Variants in EDA observed in about 807,000 individuals in gnomAD.
EDA encodes ectodysplasin A, also known as ectodysplasin-A.
EDA carries 2 observed loss-of-function variants against 23.6 expected under a neutral mutation model. That is an observed-to-expected ratio of 0.08 (90% CI 0.03 to 0.27). EDA has a LOEUF of 0.27. Among genes scored for constraint, EDA ranks in the 10% least tolerant of loss-of-function variants. The probability of loss-of-function intolerance (pLI) is 1.00; values close to 1 mark genes in which losing one functional copy is unlikely to be tolerated. For missense variants in EDA, 229 were observed against 324.2 expected, an observed-to-expected ratio of 0.71 and a Z score of 2.26; for synonymous variants, 131 against 132.0, an observed-to-expected ratio of 0.99 and a Z score of 0.05.
intron 1 of EDA, among the ~76,000 whole-genome samples, chrX:69,662,291 G>A (rs1933536628): frequency 9.0e-6 from 1 of 111,670 alleles, no homozygotes; most frequent in African/African-American, 3.3e-5. Context: ...CACATATCAT[G>A]GGAGGAACCT....
At chrX:69,802,359 T>A (rs1192898504) in intron 1 of EDA, among the ~76,000 whole-genome samples, 1 of 109,110 alleles carries the variant, frequency 9.2e-6, no homozygotes, top group East Asian at 2.8e-4. Flanking sequence ...TTCTATGTAG[T>A]ATACTTATAA....
chrX:69,617,266 C>A, intron 1 of EDA: 2 of 146,010 alleles, frequency 1.4e-5, no homozygotes, highest in East Asian at 4.2e-4. Context: ...TTGTCCTCGG[C>A]GTTCTAGTGA....
At chrX:69,876,076 G>T (rs957225437) in intron 1 of EDA, among the ~76,000 whole-genome samples, 2 of 111,802 alleles carry the variant, frequency 1.8e-5, no homozygotes, top group African/African-American at 6.5e-5. Flanking sequence ...AATACAGTGT[G>T]GGGACTCCTT....
intron 1 of EDA, among the ~76,000 whole-genome samples, chrX:69,768,358 T>A (rs2014531546): frequency 8.9e-6 from 1 of 112,127 alleles, no homozygotes; most frequent in Non-Finnish European, 1.9e-5. Flanking sequence ...CATATTGACT[T>A]AATGTTTTAT....
chrX:69,848,434 A>G (rs2017052805), intron 1 of EDA, among the ~76,000 whole-genome samples: 1 of 111,225 alleles, frequency 9.0e-6, no homozygotes, highest in Admixed American at 9.6e-5. Flanking sequence ...TTACAGGGTC[A>G]CATGCAAACT....
rs372422219 is a variant in EDA at position 69,814,961 on chromosome X, T to C, written c.397-142066T>C. 7.5e-4 allele frequency among the ~76,000 whole-genome samples: 84 copies of C among 111,558 alleles called. 1 individual carries two copies. The East Asian group carries it at 0.016, about 22-fold the overall frequency. On this transcript the variant is annotated intron_variant, in intron 1 of 7. Transcript: ENST00000374552. ...TACACAGAGACCCAGGAGTTTTATA[T>C]ACTTTGGCCCTGGGATTCCCAGCAA...
Position 69,927,284 on chromosome X carries a change from C to T in EDA, c.397-29743C>T, listed in dbSNP as rs1368124928. On this transcript the variant is annotated intron_variant, in intron 1 of 7. Transcript: ENST00000374552. ...ATATTTTGGTGTGTTTTTGCAGTGG[C>T]TGGTACTGGTTTTTCCTTTCCATAT... is the stretch of plus-strand genomic sequence containing the variant. 2.7e-5 allele frequency among the ~76,000 whole-genome samples: 3 copies of T among 111,767 alleles called. No individual in the cohort carries two copies. In the East Asian group the frequency reaches 8.4e-4, roughly 31 times the overall value.
chrX:70,022,182 G>A (rs1327399171), intron 2 of EDA, among the ~76,000 whole-genome samples: 2 of 110,023 alleles, frequency 1.8e-5, no homozygotes, highest in South Asian at 3.9e-4. Context: ...GGGGAGTTGC[G>A]GTCACCTAAC....
At chrX:69,926,673 C>A (rs1265727484) in intron 1 of EDA, among the ~76,000 whole-genome samples, 1 of 111,715 alleles carries the variant, frequency 9.0e-6, no homozygotes, top group Non-Finnish European at 1.9e-5. Context: ...TCTATTAGGT[C>A]CACTTGTTCC....
At chrX:69,715,780 G>T (rs775328099) in intron 1 of EDA, among the ~76,000 whole-genome samples, 3 of 111,773 alleles carry the variant, frequency 2.7e-5, no homozygotes, top group Non-Finnish European at 5.7e-5. Context: ...CATTTTGACT[G>T]GTGTGAGATG....
intron 1 of EDA, among the ~76,000 whole-genome samples, chrX:69,775,585 A>T (rs1284713584): frequency 3.6e-5 from 4 of 111,702 alleles, no homozygotes; most frequent in Non-Finnish European, 7.5e-5. Flanking sequence ...AGAACACATC[A>T]CATTGTAAGT....
At chrX:69,710,868 C>G (rs1206896747) in intron 1 of EDA, among the ~76,000 whole-genome samples, 1 of 111,821 alleles carries the variant, frequency 8.9e-6, no homozygotes, top group Non-Finnish European at 1.9e-5. Flanking sequence ...GCTGAAGTTG[C>G]CTATCAGCTT....
At chrX:69,968,156 A>G (rs1431659007) in intron 2 of EDA, among the ~76,000 whole-genome samples, 2 of 111,724 alleles carry the variant, frequency 1.8e-5, no homozygotes, top group African/African-American at 6.5e-5. Flanking sequence ...AGTAATTCAC[A>G]AAGGTGATAG....
intron 1 of EDA, among the ~76,000 whole-genome samples, chrX:69,712,538 G>T (rs1034496328): frequency 9.0e-6 from 1 of 111,274 alleles, no homozygotes; most frequent in African/African-American, 3.3e-5. Flanking sequence ...TTAGAATGGC[G>T]ATCATTAAAA....
chrX:69,699,080 C>T (rs1023531217), intron 1 of EDA, among the ~76,000 whole-genome samples: 15 of 110,848 alleles, frequency 1.4e-4, no homozygotes, highest in East Asian at 2.9e-4. Context: ...AAGGCAGTGG[C>T]GGAGGGACCC....
At chrX:69,687,398 A>G (rs766522314) in intron 1 of EDA, among the ~76,000 whole-genome samples, 9 of 111,273 alleles carry the variant, frequency 8.1e-5, no homozygotes, top group African/African-American at 2.6e-4. Context: ...AGGAAAAGAA[A>G]GGGAGTATTG....
intron 1 of EDA, among the ~76,000 whole-genome samples, chrX:69,712,501 C>T (rs1050397725): frequency 5.4e-5 from 6 of 111,249 alleles, no homozygotes; most frequent in Admixed American, 1.9e-4. Flanking sequence ...CAAATCAAAA[C>T]CACAATGAGA....
intron 1 of EDA, among the ~76,000 whole-genome samples, chrX:69,697,038 A>G (rs1320309128): frequency 9.0e-6 from 1 of 111,630 alleles, no homozygotes; most frequent in Non-Finnish European, 1.9e-5. Context: ...GGGAGAGTGA[A>G]AGGTTCTTGT....
chrX:69,772,930 C>T (rs914404754), intron 1 of EDA, among the ~76,000 whole-genome samples: 11 of 111,637 alleles, frequency 9.9e-5, no homozygotes, highest in Non-Finnish European at 3.8e-5. Context: ...CTGTACCATT[C>T]AGTGATTCCT....
Sources: allele counts gnomAD v4.1 joint callset (sites outside exome capture counted in the v4.1 genomes callset), GRCh38; gene constraint gnomAD v4.1.1; transcripts MANE v1.5; gene names NCBI Gene and HGNC (gene_info 2026-07-23, HGNC 2026-07-21).